SCHIP1: variants seen among roughly 807,000 people sequenced by gnomAD.
The protein encoded by SCHIP1 is schwannomin interacting protein 1.
Under a neutral mutation model 29.7 loss-of-function variants are expected in SCHIP1, and 8 were observed. That is an observed-to-expected ratio of 0.27 (90% CI 0.16 to 0.49). The LOEUF is 0.49. Among genes scored for constraint, SCHIP1 ranks in the 20% least tolerant of loss-of-function variants. The pLI, the probability that SCHIP1 is intolerant of heterozygous loss-of-function variation, is 0.99. For synonymous variants in SCHIP1, 76 were observed against 94.9 expected (o/e 0.80, Z 1.16); for missense variants, 193 against 294.6 (o/e 0.66, Z 2.52).
chr3:159,546,487 G>A, the SCHIP1 span, among the ~76,000 whole-genome samples: 1 of 151,988 alleles, frequency 6.6e-6, no homozygotes, highest in South Asian at 2.1e-4. Flanking sequence ...ATGTGCCATG[G>A]TGGTTTGCTG....
chr3:159,439,827 G>C, the SCHIP1 span, among the ~76,000 whole-genome samples: 1 of 151,988 alleles, frequency 6.6e-6, no homozygotes. Flanking sequence ...CCAATCTGTA[G>C]GTTGTCTGTT....
At chr3:159,566,014 T>C in the SCHIP1 span, among the ~76,000 whole-genome samples, 2,821 of 152,286 alleles carry the variant, frequency 0.019, 104 homozygotes, top group African/African-American at 0.065. Flanking sequence ...ATTTATGAAA[T>C]AAATGGAAAA....
At chr3:159,828,810 G>A in the SCHIP1 span, among the ~76,000 whole-genome samples, 2 of 152,060 alleles carry the variant, frequency 1.3e-5, no homozygotes, top group Non-Finnish European at 2.9e-5. Flanking sequence ...GTGCTGCTAA[G>A]ATACCTGGAA....
the SCHIP1 span, among the ~76,000 whole-genome samples, chr3:159,648,005 C>A: frequency 6.6e-6 from 1 of 152,138 alleles, no homozygotes; most frequent in African/African-American, 2.4e-5. Flanking sequence ...CTAGATCCCA[C>A]TAAACAAATG....
the SCHIP1 span, among the ~76,000 whole-genome samples, chr3:159,575,899 T>A: frequency 2.0e-5 from 3 of 152,318 alleles, no homozygotes; most frequent in Middle Eastern, 3.4e-3. Flanking sequence ...ATTTTGTTAT[T>A]GATTTTTGCA....
At chr3:159,713,455 T>G in the SCHIP1 span, among the ~76,000 whole-genome samples, 3 of 152,214 alleles carry the variant, frequency 2.0e-5, no homozygotes, top group African/African-American at 7.2e-5. Context: ...GTGTGCTATA[T>G]TCAAAGCACT....
At chr3:159,409,786 TTAAAATTTA>T in the SCHIP1 span, among the ~76,000 whole-genome samples, 1 of 151,864 alleles carries the variant, frequency 6.6e-6, no homozygotes, top group South Asian at 2.1e-4. Flanking sequence ...AAAGAGAATC[TTAAAATTTA>T]TAAAAAGACC....
intron 5 of SCHIP1, among the ~76,000 whole-genome samples, chr3:159,890,449 T>G (rs544543541): frequency 6.6e-6 from 1 of 152,196 alleles, no homozygotes; most frequent in East Asian, 1.9e-4. Flanking sequence ...CTGGAAAAAA[T>G]GAAATTTTTC....
the SCHIP1 span, among the ~76,000 whole-genome samples, chr3:159,693,603 T>G: frequency 1.3e-5 from 2 of 152,192 alleles, no homozygotes; most frequent in African/African-American, 4.8e-5. Context: ...GAGAAAGCAT[T>G]AAGAAAACGC....
At chr3:159,747,023 G>T in the SCHIP1 span, among the ~76,000 whole-genome samples, 1 of 152,116 alleles carries the variant, frequency 6.6e-6, no homozygotes, top group Non-Finnish European at 1.5e-5. Flanking sequence ...ACTGTTAACT[G>T]TGAGTACTTT....
the SCHIP1 span, among the ~76,000 whole-genome samples, chr3:159,594,470 G>A: frequency 1.3e-5 from 2 of 152,164 alleles, no homozygotes; most frequent in African/African-American, 4.8e-5. Context: ...GGTAACATAT[G>A]ACACTTGAAA....
the SCHIP1 span, among the ~76,000 whole-genome samples, chr3:159,561,989 A>G: frequency 2.0e-5 from 3 of 152,180 alleles, no homozygotes; most frequent in African/African-American, 7.2e-5. Context: ...TCAACAAACC[A>G]CATGTGCATC....
the SCHIP1 span, among the ~76,000 whole-genome samples, chr3:159,691,152 A>G: frequency 1.3e-5 from 2 of 152,158 alleles, no homozygotes; most frequent in South Asian, 4.2e-4. Context: ...ATCCTTGTAA[A>G]TTTTCTGTCT....
the SCHIP1 span, among the ~76,000 whole-genome samples, chr3:159,355,923 A>C: frequency 6.6e-6 from 1 of 151,100 alleles, no homozygotes; most frequent in Non-Finnish European, 1.5e-5. Flanking sequence ...AAAATCTTTA[A>C]TGAAGGCTGA....
chr3:159,699,751 C>T, the SCHIP1 span, among the ~76,000 whole-genome samples: 2 of 152,214 alleles, frequency 1.3e-5, no homozygotes, highest in African/African-American at 4.8e-5. Flanking sequence ...GAAAATTCTC[C>T]TTCAAACACT....
the SCHIP1 span, among the ~76,000 whole-genome samples, chr3:159,724,444 C>T: frequency 6.6e-6 from 1 of 152,112 alleles, no homozygotes; most frequent in African/African-American, 2.4e-5. Flanking sequence ...GTCTTTTTCC[C>T]CAGGGCATTC....
the SCHIP1 span, among the ~76,000 whole-genome samples, chr3:159,406,158 C>T: frequency 6.6e-6 from 1 of 151,546 alleles, no homozygotes; most frequent in Non-Finnish European, 1.5e-5. Context: ...CAAAGAGACT[C>T]CATGAAGGCA....
chr3:159,425,496 C>T, the SCHIP1 span, among the ~76,000 whole-genome samples: 25 of 152,200 alleles, frequency 1.6e-4, no homozygotes, highest in Middle Eastern at 3.4e-3. Context: ...AGCTAACTAT[C>T]CTAAATATAT....
At chr3:159,853,370 GA>G in intron 1 of SCHIP1, 1 of 688,600 alleles carries the variant, frequency 1.5e-6, no homozygotes, top group Non-Finnish European at 2.6e-6. Context: ...AAATTCTAAA[GA>G]GTTAAAGGAT....
Sources: gnomAD v4.1 joint callset for allele counts (sites outside exome capture counted in the v4.1 genomes callset) on GRCh38, gnomAD v4.1.1 for gene constraint, MANE v1.5 for transcripts, NCBI Gene and HGNC (gene_info 2026-07-23, HGNC 2026-07-21) for gene names.